JKAMP: variants seen among roughly 807,000 people sequenced by gnomAD.
JKAMP encodes the protein JNK1/MAPK8 associated membrane protein.
Under a neutral mutation model 40.2 loss-of-function variants are expected in JKAMP, and 20 were observed. The ratio of observed to expected loss-of-function variants is 0.50; its 90% CI spans 0.35 to 0.72. The LOEUF (loss-of-function observed/expected upper bound fraction) is 0.72. JKAMP is among the 30% of genes least tolerant of loss of function. The pLI, the probability that JKAMP is intolerant of heterozygous loss-of-function variation, is 0.01. For missense variants in JKAMP, 276 were observed against 373.0 expected, an observed-to-expected ratio of 0.74 and a Z score of 2.14; for synonymous variants, 138 against 131.6, an observed-to-expected ratio of 1.05 and a Z score of -0.33.
At chr14:59,502,750 A>AT (rs760030560) in intron 6 of JKAMP, among the ~76,000 whole-genome samples, 56 of 4,916 alleles carry the variant, frequency 0.011, no homozygotes, top group African/African-American at 0.018. Flanking sequence ...ATAAAATGAG[A>AT]TTTTTTTTTT....
Position 59,486,786 on chromosome 14 carries a change from A to G in JKAMP, c.78A>G (p.Glu26=). ...TATTATTTAAAAATGGCTCAACTGA[A>G]ATATATGGAGAATGTGGGGTAAGTC... is the stretch of plus-strand genomic sequence containing the variant. ...KTLLFKNGST[E]IYGECGVCPR... The change falls in exon 2 of 7, where the codon GAA becomes GAG. Residue 26 remains glutamate (E), a synonymous_variant. Transcript: ENST00000616435. 4 of 1,579,486 alleles carry G rather than the reference A, an allele frequency of 2.5e-6. No individual in the cohort carries two copies. The highest frequency in any genetic ancestry group is 3.5e-6 in the Non-Finnish European group (4 of 1,157,512).
In JKAMP at chr14:59,497,331, A is replaced by G. The variant is rs538431274; in HGVS notation, c.459-1396A>G. On this transcript the variant is annotated intron_variant, in intron 4 of 6. Coordinates refer to ENST00000616435, the MANE Select transcript of JKAMP (RefSeq NM_016475.5). ...AGCTTTAGTTTGTCAAATTTAAACT[A>G]TCCCCACATGTAGGCAGCATGGATT... Among the ~76,000 whole-genome samples, 46 of 152,334 alleles carry G rather than the reference A, an allele frequency of 3.0e-4. 2 individuals are homozygous for G. The South Asian group carries it at 8.9e-3, about 29-fold the overall frequency.
Position 59,495,122 on chromosome 14 carries a change from C to T in JKAMP, c.356C>T (p.Ser119Leu), listed in dbSNP as rs1891344298. ...CCAGTTGGTGTTCTTTATATTCGTT[C>T]ATGTCGAGTATTGATGCTTTCTGAC... ...SDPVGVLYIR[S>L]CRVLMLSDWY... is the part of the protein sequence containing the mutation. The change falls in exon 4 of 7, where the codon TCA becomes TTA. Residue 119 changes from serine (S) to leucine (L), a missense_variant. Coordinates refer to ENST00000616435, the MANE Select transcript of JKAMP (RefSeq NM_016475.5). The T allele has an allele frequency of 6.2e-7, 1 of 1,612,998 alleles. No individual in the cohort carries two copies. Among genetic ancestry groups the T allele is most frequent in the Non-Finnish European group, 8.5e-7 (1 of 1,179,138 alleles).
Position 59,504,257 on chromosome 14 carries a change from G to C in JKAMP, c.*185G>C, listed in dbSNP as rs974051068. 1 of 596,384 alleles carries C rather than the reference G, an allele frequency of 1.7e-6. No individual in the cohort carries two copies. The highest frequency in any genetic ancestry group is 3.0e-5 in the Admixed American group (1 of 33,392). The allele number at this position is 596,384 out of a possible 1,614,324, so 36.9% of individuals were successfully genotyped here. A position where few individuals can be genotyped will look rare whatever the true frequency, so the allele number is the denominator to read the frequency against. On this transcript the variant is annotated 3_prime_UTR_variant, in exon 7 of 7. Transcript: ENST00000616435. ...ACAGACTTGGAAAATGCAAAACTCT[G>C]TAATACTCTGTTACACAGGGTAATA...
At position 59,491,707 on chromosome 14, in the gene JKAMP, A is replaced by G. The variant is rs957793468; in HGVS notation, c.252-3311A>G. 3.3e-4 allele frequency among the ~76,000 whole-genome samples: 50 copies of G among 152,226 alleles called. 2 individuals carry two copies. Among genetic ancestry groups the G allele is most frequent in the Non-Finnish European group, 4.4e-5 (3 of 68,042 alleles). On this transcript the variant is annotated intron_variant, in intron 3 of 6. Transcript: ENST00000616435. ...CATTGCTGGTCCCAGCTGGAGATGG[A>G]GAGATCTCCAGGAACTCTTCTCTTT...
At position 59,501,850 on chromosome 14, in the gene JKAMP, G is replaced by A. The variant is rs1891906331; in HGVS notation, c.717+583G>A. On this transcript the variant is annotated intron_variant, in intron 6 of 6. Transcript: ENST00000616435. ...TAATATTTTAATATTTCAGTGGAAG[G>A]CCACTATTATAAAGAACTCCTTTTA... Among the ~76,000 whole-genome samples, 3 of 152,054 alleles carry A rather than the reference G, an allele frequency of 2.0e-5. No individual in the cohort carries two copies. The South Asian group carries it at 6.2e-4, about 32-fold the overall frequency.
Position 59,504,296 on chromosome 14 carries a change from T to C in JKAMP, c.*224T>C, listed in dbSNP as rs946910742. Reference sequence around the variant, plus strand: ...CACAGGGTAATATTATCTGCTACACTGGAAGGCCGCTAGGAAGCCCTTGCT... The same window carrying C: ...CACAGGGTAATATTATCTGCTACACCGGAAGGCCGCTAGGAAGCCCTTGCT... On this transcript the variant is annotated 3_prime_UTR_variant, in exon 7 of 7. Transcript: ENST00000616435. 7 of 502,560 alleles carry C rather than the reference T, an allele frequency of 1.4e-5. No homozygotes were observed. Among genetic ancestry groups the C allele is most frequent in the Non-Finnish European group, 2.1e-5 (6 of 284,820 alleles). The allele number at this position is 502,560 out of a possible 1,614,324, so 31.1% of individuals were successfully genotyped here.
chr14:59,484,579 T>G lies in JKAMP; in HGVS notation c.-11T>G. 7 of 1,575,694 alleles carry G rather than the reference T, an allele frequency of 4.4e-6. No individual in the cohort carries two copies. Among genetic ancestry groups the G allele is most frequent in the Non-Finnish European group, 5.2e-6 (6 of 1,160,890 alleles). ...ATCTAGTGCTTCTCGAAAAAAACCT[T>G]CAGGCGGCCCATGGGTGAGTGGTCG... On this transcript the variant is annotated 5_prime_UTR_variant, in exon 1 of 7. Coordinates refer to ENST00000616435, the MANE Select transcript of JKAMP (RefSeq NM_016475.5).
chr14:59,491,306 G>T (rs1890983771), intron 3 of JKAMP, among the ~76,000 whole-genome samples: 2 of 152,206 alleles, frequency 1.3e-5, no homozygotes, highest in Middle Eastern at 6.8e-3. Context: ...TGCTGGTGGG[G>T]GTATTTTTCC....
intron 6 of JKAMP, 25 bp from the exon 7 acceptor site, chr14:59,503,826 CTTT>C: frequency 6.9e-7 from 1 of 1,450,794 alleles, no homozygotes; most frequent in Non-Finnish European, 9.6e-7. Context: ...CTGTATTTCT[CTTT>C]TCTTTCTTTT....
At chr14:59,486,662 T>C (rs1039308738) in intron 1 of JKAMP, 51 bp from the exon 2 acceptor site, 2 of 1,296,228 alleles carry the variant, frequency 1.5e-6, no homozygotes, top group Non-Finnish European at 2.2e-6. Flanking sequence ...ATTGCAATTA[T>C]TTTTTATAAT....
chr14:59,495,416 T>A, intron 4 of JKAMP, 192 bp downstream of exon 4: 1 of 570,464 alleles, frequency 1.8e-6, no homozygotes, highest in South Asian at 2.2e-5. Context: ...GGAATAATGA[T>A]CCTTATAAGG....
At chr14:59,500,045 C>G (rs984375857) in intron 5 of JKAMP, among the ~76,000 whole-genome samples, 3 of 152,132 alleles carry the variant, frequency 2.0e-5, no homozygotes, top group South Asian at 2.1e-4. Flanking sequence ...TAGAAACTTC[C>G]TCTTTATTCC....
rs780711462 is a variant in JKAMP at position 59,495,020 on chromosome 14, C to A, written c.254C>A (p.Ser85Tyr). The A allele has an allele frequency of 8.7e-6, 14 of 1,612,008 alleles. No homozygotes were observed. In the Admixed American group the frequency reaches 1.8e-4, roughly 21 times the overall value. Residue 85 changes from serine to tyrosine, a missense_variant and splice_region_variant, in exon 4 of 7, where the codon TCC (serine) becomes TAC (tyrosine). Ser to Tyr is a moderately radical substitution (Grantham distance 144). Transcript: ENST00000616435. ...FIEWYSGKKS[S>Y]SALFQHITAL... ...TCATGCCTCTTTTCCTTCTCTAGTTCCAGCGCACTTTTCCAACACATCACT... is the reference window on the plus strand; with the variant it reads ...TCATGCCTCTTTTCCTTCTCTAGTTACAGCGCACTTTTCCAACACATCACT...
intron 3 of JKAMP, among the ~76,000 whole-genome samples, chr14:59,492,450 T>C (rs926413880): frequency 2.6e-5 from 4 of 152,318 alleles, no homozygotes; most frequent in African/African-American, 9.6e-5. Context: ...CCAGTCTCTC[T>C]TATAACAATT....
At chr14:59,495,249 T>A (rs773448557) in intron 4 of JKAMP, 25 bp downstream of exon 4, 1 of 1,468,714 alleles carries the variant, frequency 6.8e-7, no homozygotes, top group Admixed American at 1.8e-5. Context: ...CGACTTAAGA[T>A]CATTGTTTTT....
At chr14:59,485,155 A>G in intron 1 of JKAMP, 4 of 1,592,632 alleles carry the variant, frequency 2.5e-6, no homozygotes, top group Non-Finnish European at 3.4e-6. Context: ...AGTTTATCAT[A>G]CTGGTTTTCA....
At chr14:59,486,592 G>T (rs931325914) in intron 1 of JKAMP, 121 bp from the exon 2 acceptor site, 4 of 688,348 alleles carry the variant, frequency 5.8e-6, no homozygotes, top group Non-Finnish European at 1.0e-5. Flanking sequence ...CAAGACTTTT[G>T]TCTAATACAT....
At chr14:59,503,592 G>C (rs893913589) in intron 6 of JKAMP, among the ~76,000 whole-genome samples, 3 of 152,144 alleles carry the variant, frequency 2.0e-5, no homozygotes, top group Non-Finnish European at 4.4e-5. Context: ...TGATGGCATA[G>C]ACTAGGACTT....
Sources: gnomAD v4.1 joint callset for allele counts (sites outside exome capture counted in the v4.1 genomes callset) on GRCh38, gnomAD v4.1.1 for gene constraint, MANE v1.5 for transcripts, NCBI Gene and HGNC (gene_info 2026-07-23, HGNC 2026-07-21) for gene names.